JPH3: variants seen among roughly 807,000 people sequenced by gnomAD.
JPH3 encodes junctophilin 3, also known as junctophilin-3.
In JPH3, 11 loss-of-function variants were observed where a neutral mutation model predicts 59.6. That is an observed-to-expected ratio of 0.18 (90% confidence interval 0.12 to 0.31). The LOEUF (loss-of-function observed/expected upper bound fraction) is 0.31, where lower values mean the gene tolerates loss of function less well. JPH3 is among the 10% of genes least tolerant of loss of function. The pLI is 1.00. For missense variants in JPH3, 1,202 were observed against 1,105.7 expected (o/e 1.09, Z -1.24); for synonymous variants, 673 against 483.6 (o/e 1.39, Z -5.14).
intron 2 of JPH3, among the ~76,000 whole-genome samples, chr16:87,682,359 G>A (rs1243537356): frequency 6.6e-6 from 1 of 152,178 alleles, no homozygotes; most frequent in East Asian, 1.9e-4. Context: ...TGGGGGGTCA[G>A]GCTGCGTAGA....
At chr16:87,668,801 C>CT (rs1025225058) in intron 2 of JPH3, among the ~76,000 whole-genome samples, 31 of 152,196 alleles carry the variant, frequency 2.0e-4, no homozygotes, top group Non-Finnish European at 4.0e-4. Context: ...GCCTCCTCCA[C>CT]TGTCCCCACA....
chr16:87,660,677 C>T (rs1246252157), intron 2 of JPH3, among the ~76,000 whole-genome samples: 1 of 152,228 alleles, frequency 6.6e-6, no homozygotes, highest in Admixed American at 6.5e-5. Context: ...GAGTCTCTGC[C>T]TCCCCACCAG....
At chr16:87,677,918 T>C (rs1313062433) in intron 2 of JPH3, among the ~76,000 whole-genome samples, 1 of 152,238 alleles carries the variant, frequency 6.6e-6, no homozygotes, top group Admixed American at 6.5e-5. Flanking sequence ...GAGTGACATT[T>C]GGCCTGGGAT....
intron 2 of JPH3, among the ~76,000 whole-genome samples, chr16:87,648,006 T>C (rs754765614): frequency 2.6e-5 from 4 of 152,146 alleles, no homozygotes; most frequent in African/African-American, 9.7e-5. Flanking sequence ...CCCTGCTCCC[T>C]GTAGTGGCCT....
In JPH3 at chr16:87,614,216, A is replaced by ATT. The variant is rs528915373; in HGVS notation, c.382+10689_382+10690insTT. On this transcript the variant is annotated intron_variant, in intron 1 of 4. Coordinates refer to ENST00000284262, the MANE Select transcript of JPH3 (RefSeq NM_020655.4). Reference sequence around the variant, plus strand: ...GAGGAGCCGCGTGTCCCCTCCCAGGATAAAGGCAGGTCCCTGCACACAGGA... The same window carrying ATT: ...GAGGAGCCGCGTGTCCCCTCCCAGGATTTAAAGGCAGGTCCCTGCACACAGGA... Among the ~76,000 whole-genome samples, 12 of 152,212 alleles carry ATT rather than the reference A, an allele frequency of 7.9e-5. No individual in the cohort carries two copies. In the East Asian group the frequency reaches 2.3e-3, roughly 30 times the overall value.
chr16:87,672,178 C>G (rs1446967412), intron 2 of JPH3, among the ~76,000 whole-genome samples: 1 of 152,026 alleles, frequency 6.6e-6, no homozygotes, highest in Non-Finnish European at 1.5e-5. Flanking sequence ...TAGGCTGTGG[C>G]CTGTAGGTGA....
At chr16:87,660,725 A>G (rs370686184) in intron 2 of JPH3, among the ~76,000 whole-genome samples, 2 of 152,158 alleles carry the variant, frequency 1.3e-5, no homozygotes, top group African/African-American at 2.4e-5. Context: ...TCACACTGTC[A>G]TATCGCCTGT....
At chr16:87,632,543 C>A (rs2031597173) in intron 1 of JPH3, among the ~76,000 whole-genome samples, 1 of 152,176 alleles carries the variant, frequency 6.6e-6, no homozygotes, top group Admixed American at 6.5e-5. Context: ...GGGCTCCAGC[C>A]CCTCCTGGGC....
At chr16:87,691,765 GC>G (rs1017898513) in intron 4 of JPH3, among the ~76,000 whole-genome samples, 3 of 152,086 alleles carry the variant, frequency 2.0e-5, no homozygotes, top group Non-Finnish European at 4.4e-5. Context: ...ACAGAGAACA[GC>G]CCCTATGCTC....
At position 87,696,632 on chromosome 16, in the gene JPH3, C is replaced by T. The variant is rs2033870823; in HGVS notation, c.2219C>T (p.Ala740Val). The change falls in exon 5 of 5, where the codon GCC becomes GTC. Residue 740 changes from alanine (A) to valine (V), a missense_variant. Coordinates refer to ENST00000284262, the MANE Select transcript of JPH3 (RefSeq NM_020655.4). Reference protein sequence around the residue: ...VMVILLNIGVAILFINFFI With the variant: ...VMVILLNIGVVILFINFFI Reference sequence around the variant, plus strand: ...GTGATCTTGCTCAACATCGGAGTCGCCATTCTGTTTATTAACTTTTTCATC... The same window carrying T: ...GTGATCTTGCTCAACATCGGAGTCGTCATTCTGTTTATTAACTTTTTCATC... 5 of 1,613,556 alleles carry T rather than the reference C, an allele frequency of 3.1e-6. No individual in the cohort carries two copies. Among genetic ancestry groups the T allele is most frequent in the Non-Finnish European group, 4.2e-6 (5 of 1,179,892 alleles).
At chr16:87,656,804 T>C (rs375466044) in intron 2 of JPH3, among the ~76,000 whole-genome samples, 13 of 151,912 alleles carry the variant, frequency 8.6e-5, no homozygotes, top group African/African-American at 3.1e-4. Context: ...TACGATAGAG[T>C]GGGTGGCAGA....
At chr16:87,657,329 A>T (rs751045021) in intron 2 of JPH3, among the ~76,000 whole-genome samples, 6 of 152,234 alleles carry the variant, frequency 3.9e-5, no homozygotes, top group Non-Finnish European at 7.3e-5. Context: ...CAAATGTGGC[A>T]TGTGAAATCT....
chr16:87,690,145 C>G lies in JPH3; in HGVS notation c.1785C>G (p.Pro595=). 1 of 1,596,818 alleles carries G rather than the reference C, an allele frequency of 6.3e-7. No homozygotes were observed. Among genetic ancestry groups the G allele is most frequent in the Non-Finnish European group, 8.5e-7 (1 of 1,172,122 alleles). ...ACCACCGGGCCAGCAACCACAGCCC[C>G]GGAGGCTCCAGGCTGCTGGAGCTGC... ...TSHHRASNHS[P]GGSRLLELQE... is the part of the protein sequence containing the mutation. Residue 595 remains proline (P), a synonymous_variant, in exon 4 of 5, where the codon CCC becomes CCG. Transcript: ENST00000284262.
chr16:87,616,281 G>A (rs1342598083), intron 1 of JPH3, among the ~76,000 whole-genome samples: 11 of 150,016 alleles, frequency 7.3e-5, no homozygotes, highest in South Asian at 4.2e-4. Context: ...TTGCCCAGGC[G>A]GGAGAGCAGT....
At position 87,696,765 on chromosome 16, in the gene JPH3, G is replaced by C; in HGVS notation, c.*105G>C. On this transcript the variant is annotated 3_prime_UTR_variant, in exon 5 of 5. Coordinates refer to ENST00000284262, the MANE Select transcript of JPH3 (RefSeq NM_020655.4). ...AAGACCGCAACTCGGACAGCCCAGC[G>C]ACTTCCAAGTCCTCTCACAGAAGAA... 1 of 872,266 alleles carries C rather than the reference G, an allele frequency of 1.1e-6. No homozygotes were observed. Among genetic ancestry groups the C allele is most frequent in the Non-Finnish European group, 1.9e-6 (1 of 534,402 alleles). The allele number at this position is 872,266 out of a possible 1,614,324, so 54.0% of individuals were successfully genotyped here.
chr16:87,624,324 C>T (rs1403765650), intron 1 of JPH3, among the ~76,000 whole-genome samples: 3 of 152,188 alleles, frequency 2.0e-5, no homozygotes, highest in Admixed American at 6.5e-5. Context: ...CCCATTCCCA[C>T]GGCTCCCCAC....
chr16:87,612,612 G>A (rs921643133), intron 1 of JPH3, among the ~76,000 whole-genome samples: 4 of 152,182 alleles, frequency 2.6e-5, no homozygotes, highest in African/African-American at 9.7e-5. Context: ...TAAGGCGGGG[G>A]TCTCAGCCTG....
intron 2 of JPH3, among the ~76,000 whole-genome samples, chr16:87,671,415 A>T (rs1447066111): frequency 6.6e-6 from 1 of 152,176 alleles, no homozygotes; most frequent in Non-Finnish European, 1.5e-5. Flanking sequence ...CACCAGGCTC[A>T]TGTGCCAGGT....
Position 87,689,833 on chromosome 16 carries a change from G to GGCCAC in JPH3, c.1473_1474insGCCAC (p.Pro492AlafsTer119). On this transcript the variant is annotated frameshift_variant, in exon 4 of 5. Transcript: ENST00000284262. LOFTEE classifies it high-confidence loss of function. ...GCCCCGCGGCCACCCCGCCGCCCGC[G>GGCCAC]CCCGCCGCCAGGAACAAGGTCGCCC... 1 of 1,546,490 alleles carries GGCCAC rather than the reference G, an allele frequency of 6.5e-7. No homozygotes were observed. Among genetic ancestry groups the GGCCAC allele is most frequent in the South Asian group, 1.2e-5 (1 of 83,554 alleles).
Sources: allele counts gnomAD v4.1 joint callset (sites outside exome capture counted in the v4.1 genomes callset), GRCh38; gene constraint gnomAD v4.1.1; transcripts MANE v1.5; gene names NCBI Gene and HGNC (gene_info 2026-07-23, HGNC 2026-07-21).